The following WDR7 variants were observed in gnomAD, a reference collection of about 807,000 sequenced individuals.
The protein encoded by WDR7 is WD repeat-containing protein 7.
WDR7 carries 46 observed loss-of-function variants against 169.4 expected under a neutral mutation model. The ratio of observed to expected loss-of-function variants is 0.27; its 90% confidence interval spans 0.21 to 0.35. The LOEUF (loss-of-function observed/expected upper bound fraction) is 0.35, where lower values mean the gene tolerates loss of function less well. WDR7 is among the 10% of genes least tolerant of loss of function. WDR7 has a pLI of 1.00. For missense variants in WDR7, 1,534 were observed against 1,859.3 expected, an observed-to-expected ratio of 0.83 and a Z score of 3.22; for synonymous variants, 612 against 666.8, an observed-to-expected ratio of 0.92 and a Z score of 1.27.
At position 56,816,086 on chromosome 18, in the gene WDR7, G is replaced by A. The variant is rs759549995; in HGVS notation, c.3246G>A (p.Gly1082=). Residue 1082 remains glycine, a synonymous_variant, in exon 20 of 28, where the codon GGG becomes GGA. Coordinates refer to ENST00000254442, the MANE Select transcript of WDR7 (RefSeq NM_015285.3). The part of the protein sequence containing the change: ...QTITTAPDAS[G]PEAKVQEEEH... ...TCACCACGGCTCCTGATGCCTCAGG[G>A]CCTGAAGCAAAAGTCCAGGAGGAAG... is the stretch of plus-strand genomic sequence containing the variant. 2.6e-5 allele frequency: 42 copies of A among 1,613,704 alleles called. No homozygotes were observed. Among genetic ancestry groups the A allele is most frequent in the Non-Finnish European group, 3.4e-5 (40 of 1,179,912 alleles).
At chr18:56,990,594 T>C (rs2047797053) in intron 26 of WDR7, among the ~76,000 whole-genome samples, 1 of 152,220 alleles carries the variant, frequency 6.6e-6, no homozygotes, top group Non-Finnish European at 1.5e-5. Flanking sequence ...AGAGGTTCAT[T>C]ATAGGTACTA....
chr18:56,971,856 C>G (rs923946609), intron 26 of WDR7, among the ~76,000 whole-genome samples: 1 of 152,246 alleles, frequency 6.6e-6, no homozygotes, highest in African/African-American at 2.4e-5. Flanking sequence ...ATTTTCAAAT[C>G]AGCATAATAT....
At chr18:56,967,619 G>A (rs143598115) in intron 26 of WDR7, among the ~76,000 whole-genome samples, 2 of 151,500 alleles carry the variant, frequency 1.3e-5, no homozygotes, top group East Asian at 3.9e-4. Context: ...CTTTTTGAAT[G>A]CATTCTTTGT....
chr18:56,971,204 G>A (rs367975944), intron 26 of WDR7, among the ~76,000 whole-genome samples: 2 of 151,258 alleles, frequency 1.3e-5, no homozygotes, highest in African/African-American at 4.9e-5. Flanking sequence ...CCTGGGAGGC[G>A]GAAGTTGCAG....
intron 19 of WDR7, among the ~76,000 whole-genome samples, chr18:56,787,038 C>T (rs1243285360): frequency 6.6e-6 from 1 of 152,026 alleles, no homozygotes; most frequent in East Asian, 1.9e-4. Context: ...TATGAGTTGT[C>T]TCAGATTTAT....
chr18:56,677,913 A>G (rs983597600), intron 2 of WDR7, among the ~76,000 whole-genome samples: 3 of 151,822 alleles, frequency 2.0e-5, no homozygotes, highest in African/African-American at 7.3e-5. Context: ...TTTTGAGGCT[A>G]TTTTCTAGAT....
intron 26 of WDR7, among the ~76,000 whole-genome samples, chr18:57,014,476 G>A (rs1386417633): frequency 6.6e-6 from 1 of 151,916 alleles, no homozygotes. Flanking sequence ...GACCAACATG[G>A]AGAAACCCTG....
intron 21 of WDR7, among the ~76,000 whole-genome samples, chr18:56,889,620 A>G (rs1479718534): frequency 6.6e-6 from 1 of 152,198 alleles, no homozygotes; most frequent in East Asian, 1.9e-4. Flanking sequence ...TTTTAAAAAG[A>G]TTACACTGCT....
At chr18:57,032,294 A>C (rs2048445091), downstream of WDR7, 1 of 152,368 alleles carries the variant, frequency 6.6e-6, no homozygotes, top group East Asian at 1.9e-4. Flanking sequence ...GACTCTGGAC[A>C]AAAGTATTGT....
chr18:56,886,262 A>G (rs1053587439), intron 21 of WDR7, among the ~76,000 whole-genome samples: 2 of 152,200 alleles, frequency 1.3e-5, no homozygotes, highest in Admixed American at 1.3e-4. Flanking sequence ...AAAACCTATC[A>G]GATTAACAGC....
chr18:56,930,528 A>G (rs1200434187), intron 22 of WDR7, among the ~76,000 whole-genome samples: 1 of 152,228 alleles, frequency 6.6e-6, no homozygotes, highest in Non-Finnish European at 1.5e-5. Context: ...TCTTAAAGAT[A>G]CACATTTAAG....
intron 14 of WDR7, among the ~76,000 whole-genome samples, chr18:56,740,155 G>A (rs2043595155): frequency 6.6e-6 from 1 of 151,650 alleles, no homozygotes; most frequent in Admixed American, 6.6e-5. Context: ...GTGTTCCATA[G>A]TACTGTTTTC....
At chr18:56,938,962 T>C (rs372129583) in intron 24 of WDR7, among the ~76,000 whole-genome samples, 2 of 151,988 alleles carry the variant, frequency 1.3e-5, no homozygotes, top group East Asian at 1.9e-4. Flanking sequence ...GTCTGTAATA[T>C]GTAAAGGTCT....
At chr18:56,653,981 G>C (rs2024711872) in intron 1 of WDR7, among the ~76,000 whole-genome samples, 1 of 152,174 alleles carries the variant, frequency 6.6e-6, no homozygotes, top group African/African-American at 2.4e-5. Context: ...ACACCTGCAG[G>C]AAGCTCGTGA....
chr18:56,751,386 A>G (rs542102672), intron 14 of WDR7, among the ~76,000 whole-genome samples: 1 of 152,194 alleles, frequency 6.6e-6, no homozygotes, highest in Non-Finnish European at 1.5e-5. Context: ...GTGCTGCTTC[A>G]ATAATTTCTT....
intron 26 of WDR7, among the ~76,000 whole-genome samples, chr18:56,989,875 G>A (rs1254478226): frequency 6.6e-6 from 1 of 152,016 alleles, no homozygotes; most frequent in Non-Finnish European, 1.5e-5. Context: ...ACATGGCTGA[G>A]TTTGTTCATT....
At chr18:56,728,568 G>A (rs1046277512) in intron 13 of WDR7, among the ~76,000 whole-genome samples, 2 of 152,050 alleles carry the variant, frequency 1.3e-5, no homozygotes, top group Non-Finnish European at 2.9e-5. Flanking sequence ...CCCCTTTTGG[G>A]ATCTAGCACC....
chr18:57,010,133 G>A (rs2048117154), intron 26 of WDR7: 5 of 985,310 alleles, frequency 5.1e-6, no homozygotes, highest in Non-Finnish European at 6.0e-6. Context: ...CAGGAGGGGA[G>A]GGATTTATTT....
At position 56,821,824 on chromosome 18, in the gene WDR7, A is replaced by G. The variant is rs536800050; in HGVS notation, c.3304+5680A>G. ...ATCCTACACAACAGGGAGATACCCT[A>G]TCTCTACAAAAAAAAAAATTAAAAG... On this transcript the variant is annotated intron_variant, in intron 20 of 27. Coordinates refer to ENST00000254442, the MANE Select transcript of WDR7 (RefSeq NM_015285.3). Among the ~76,000 whole-genome samples, 6 of 151,440 alleles carry G rather than the reference A, an allele frequency of 4.0e-5. No individual in the cohort carries two copies. The East Asian group carries it at 7.8e-4, about 20-fold the overall frequency.
Sources: gnomAD v4.1 joint callset for allele counts (sites outside exome capture counted in the v4.1 genomes callset) on GRCh38, gnomAD v4.1.1 for gene constraint, MANE v1.5 for transcripts, NCBI Gene and HGNC (gene_info 2026-07-23, HGNC 2026-07-21) for gene names.